JARID2: variants seen among roughly 807,000 people sequenced by gnomAD.
JARID2 encodes the protein jumonji and AT-rich interaction domain containing 2, also known as protein Jumonji.
Under a neutral mutation model 125.6 loss-of-function variants are expected in JARID2, and 21 were observed. The ratio of observed to expected loss-of-function variants is 0.17; its 90% CI spans 0.12 to 0.24. JARID2 has a LOEUF of 0.24. Among genes scored for constraint, JARID2 ranks in the 10% least tolerant of loss-of-function variants. The pLI, the probability that JARID2 is intolerant of heterozygous loss-of-function variation, is 1.00. For missense variants in JARID2, 1,303 were observed against 1,639.6 expected (o/e 0.79, Z 3.55); for synonymous variants, 736 against 661.6 (o/e 1.11, Z -1.73).
chr6:15,272,346 T>C (rs1455454930), intron 1 of JARID2, among the ~76,000 whole-genome samples: 2 of 152,160 alleles, frequency 1.3e-5, no homozygotes, highest in Non-Finnish European at 2.9e-5. Flanking sequence ...TGTCTTGCTT[T>C]AGTAGACAAA....
At chr6:15,348,196 A>G (rs1003406323) in intron 1 of JARID2, among the ~76,000 whole-genome samples, 2 of 151,838 alleles carry the variant, frequency 1.3e-5, no homozygotes, top group Non-Finnish European at 2.9e-5. Context: ...GGTTCAAGCA[A>G]TTCTCCTGCC....
Position 15,335,783 on chromosome 6 carries a change from T to C in JARID2, c.46-38334T>C, listed in dbSNP as rs559291772. Reference sequence around the variant, plus strand: ...CTGTGGACCAACAGCTGGAGCAGGCTCTGTATCTCCTCCTCCAGAGCATGG... The same window carrying C: ...CTGTGGACCAACAGCTGGAGCAGGCCCTGTATCTCCTCCTCCAGAGCATGG... On this transcript the variant is annotated intron_variant, in intron 1 of 17. Coordinates refer to ENST00000341776, the MANE Select transcript of JARID2 (RefSeq NM_004973.4). 1.2e-4 allele frequency among the ~76,000 whole-genome samples: 18 copies of C among 152,228 alleles called. No homozygotes were observed. In the South Asian group the frequency reaches 3.1e-3, roughly 26 times the overall value.
At chr6:15,513,067 C>G (rs201109638) in intron 15 of JARID2, 22 bp downstream of exon 15, 1 of 1,613,590 alleles carries the variant, frequency 6.2e-7, no homozygotes, top group African/African-American at 1.3e-5. Context: ...CCAGAGCCCA[C>G]GCCAGAGAGC....
Position 15,246,415 on chromosome 6 carries a change from C to G in JARID2, c.-125C>G. 1 of 686,018 alleles carries G rather than the reference C, an allele frequency of 1.5e-6. No homozygotes were observed. Among genetic ancestry groups the G allele is most frequent in the East Asian group, 2.9e-5 (1 of 34,804 alleles). The allele number at this position is 686,018 out of a possible 1,614,324, so 42.5% of individuals were successfully genotyped here. On this transcript the variant is annotated 5_prime_UTR_variant, in exon 1 of 18. Transcript: ENST00000341776. ...GCTTTGGGGGAAGAGGAAGAAAAGT[C>G]GGATTACAAGATCAACCACCACCAA...
At chr6:15,494,434 G>GTCTCAAAAAAAAAAAAAAAAAAAA (rs1770307468) in intron 6 of JARID2, among the ~76,000 whole-genome samples, 1 of 6,726 alleles carries the variant, frequency 1.5e-4, no homozygotes, top group East Asian at 5.2e-3. Context: ...TTTTTTTTTT[G>GTCTCAAAAAAAAAAAAAAAAAAAA]AGACAAGAGT....
At chr6:15,260,915 A>G (rs1477601369) in intron 1 of JARID2, among the ~76,000 whole-genome samples, 1 of 152,156 alleles carries the variant, frequency 6.6e-6, no homozygotes, top group Non-Finnish European at 1.5e-5. Context: ...GATGAAACAC[A>G]CTTTCTATTC....
At chr6:15,519,117 C>T (rs1031665565) in intron 17 of JARID2, among the ~76,000 whole-genome samples, 6 of 152,174 alleles carry the variant, frequency 3.9e-5, no homozygotes, top group Non-Finnish European at 7.3e-5. Flanking sequence ...GCCCACCTGT[C>T]GAGCTGCACG....
At chr6:15,497,911 C>A (rs1290395862) in intron 7 of JARID2, among the ~76,000 whole-genome samples, 1 of 152,190 alleles carries the variant, frequency 6.6e-6, no homozygotes, top group African/African-American at 2.4e-5. Flanking sequence ...TGGCTGTTTT[C>A]TCCCTGTGTC....
chr6:15,516,281 C>T (rs189998901), intron 16 of JARID2, among the ~76,000 whole-genome samples: 2 of 152,334 alleles, frequency 1.3e-5, no homozygotes, highest in African/African-American at 2.4e-5. Flanking sequence ...GACTCTTCTC[C>T]TCTTGAGTGT....
chr6:15,478,429 G>GT (rs1047217159), intron 5 of JARID2, among the ~76,000 whole-genome samples: 48 of 152,206 alleles, frequency 3.2e-4, no homozygotes, highest in Admixed American at 8.5e-4. Context: ...ACTGTATTTA[G>GT]TTTTTTCGTG....
At chr6:15,267,757 T>C (rs866969784) in intron 1 of JARID2, among the ~76,000 whole-genome samples, 20 of 152,158 alleles carry the variant, frequency 1.3e-4, no homozygotes, top group Admixed American at 1.1e-3. Flanking sequence ...TCTGTAGATA[T>C]GCAGTAGGGG....
chr6:15,325,190 T>C lies in JARID2; in HGVS notation c.46-48927T>C, dbSNP rs116022560. Among the ~76,000 whole-genome samples, 371 of 152,320 alleles carry C rather than the reference T, an allele frequency of 2.4e-3. 2 individuals carry two copies. Among genetic ancestry groups the C allele is most frequent in the African/African-American group, 8.3e-3 (347 of 41,560 alleles). On this transcript the variant is annotated intron_variant, in intron 1 of 17. Coordinates refer to ENST00000341776, the MANE Select transcript of JARID2 (RefSeq NM_004973.4). Reference sequence around the variant, plus strand: ...AAAGACTTTTATAATCTGTACCTTGTACCTGAGGGAATTGTGTTGTTGTTA... The same window carrying C: ...AAAGACTTTTATAATCTGTACCTTGCACCTGAGGGAATTGTGTTGTTGTTA...
intron 7 of JARID2, among the ~76,000 whole-genome samples, chr6:15,497,465 C>T (rs1257257506): frequency 6.6e-6 from 1 of 151,922 alleles, no homozygotes; most frequent in Non-Finnish European, 1.5e-5. Context: ...ATCGAGATCA[C>T]GGTGAAACCC....
chr6:15,396,578 C>A (rs1256272186), intron 2 of JARID2, among the ~76,000 whole-genome samples: 2 of 152,112 alleles, frequency 1.3e-5, no homozygotes, highest in Non-Finnish European at 1.5e-5. Context: ...ATTACCAAAC[C>A]CTGTATATAC....
At chr6:15,363,263 A>G (rs1763861936) in intron 1 of JARID2, among the ~76,000 whole-genome samples, 2 of 152,202 alleles carry the variant, frequency 1.3e-5, no homozygotes, top group South Asian at 2.1e-4. Context: ...CTGCTGTTCA[A>G]ACACCAGCAC....
chr6:15,368,977 A>G (rs774472128), intron 1 of JARID2, among the ~76,000 whole-genome samples: 1 of 151,962 alleles, frequency 6.6e-6, no homozygotes, highest in Non-Finnish European at 1.5e-5. Flanking sequence ...CAGGCTGCCG[A>G]GTGGTTAAGG....
chr6:15,439,807 T>C (rs74475815), intron 3 of JARID2, among the ~76,000 whole-genome samples: 3 of 152,206 alleles, frequency 2.0e-5, no homozygotes, highest in African/African-American at 7.2e-5. Flanking sequence ...AGGGCTTGTT[T>C]TGATTTCCTC....
chr6:15,360,987 A>G (rs546448091), intron 1 of JARID2, among the ~76,000 whole-genome samples: 17 of 152,320 alleles, frequency 1.1e-4, no homozygotes, highest in African/African-American at 4.1e-4. Context: ...ACCTAAATTT[A>G]TATTCTGAGT....
In JARID2 at chr6:15,513,359, G is replaced by T. The variant is rs373281961; in HGVS notation, c.3387G>T (p.Trp1129Cys). ...ACGGGAAGAAAAAGCCTCGAAAGTG[G>T]CTGCAGTTGGAGACGTCAGAGAGGA... ...VADGKKKPRK[W>C]LQLETSERRC... The change falls in exon 16 of 18, where the codon TGG (tryptophan) becomes TGT (cysteine). Residue 1129 changes from tryptophan (W) to cysteine (C), a missense_variant. By Grantham distance (215) the Trp-to-Cys change is radical (BLOSUM62 -2). This residue lies in a region of JARID2 where 190 missense variants were observed against 341.4 expected (regional missense o/e 0.56). Transcript: ENST00000341776. The T allele has an allele frequency of 6.2e-7, 1 of 1,613,408 alleles. No individual in the cohort carries two copies. Among genetic ancestry groups the T allele is most frequent in the Non-Finnish European group, 8.5e-7 (1 of 1,179,866 alleles).
Sources: gnomAD v4.1 joint callset for allele counts (sites outside exome capture counted in the v4.1 genomes callset) on GRCh38, gnomAD v4.1.1 for gene constraint, gnomAD v4.1.1 regional missense constraint, MANE v1.5 for transcripts, NCBI Gene and HGNC (gene_info 2026-07-23, HGNC 2026-07-21) for gene names.